Variants in CNTNAP2 observed in about 807,000 individuals in gnomAD.
The protein encoded by CNTNAP2 is contactin associated protein 2.
Under a neutral mutation model 155.2 loss-of-function variants are expected in CNTNAP2, and 98 were observed. The observed-to-expected ratio is 0.63, with a 90% confidence interval of 0.54 to 0.75. The LOEUF (loss-of-function observed/expected upper bound fraction) is 0.75, where lower values mean the gene tolerates loss of function less well. Ranked by LOEUF, CNTNAP2 falls within the 30% of genes least tolerant of loss-of-function variation. The pLI is 0.00. For synonymous variants in CNTNAP2, 651 were observed against 631.2 expected (o/e 1.03, Z -0.47); for missense variants, 1,727 against 1,688.1 (o/e 1.02, Z -0.40).
chr7:146,948,674 A>G (rs966661923), intron 3 of CNTNAP2, among the ~76,000 whole-genome samples: 2 of 152,212 alleles, frequency 1.3e-5, no homozygotes, highest in African/African-American at 4.8e-5. Flanking sequence ...TGTATGATAC[A>G]TTATGAAGTA....
intron 1 of CNTNAP2, among the ~76,000 whole-genome samples, chr7:146,456,324 C>T (rs1450664845): frequency 6.6e-6 from 1 of 152,056 alleles, no homozygotes; most frequent in African/African-American, 2.4e-5. Flanking sequence ...CAAATCACAA[C>T]AAGATTTCCG....
At chr7:146,384,330 C>A (rs1310405712) in intron 1 of CNTNAP2, among the ~76,000 whole-genome samples, 2 of 152,082 alleles carry the variant, frequency 1.3e-5, no homozygotes, top group African/African-American at 2.4e-5. Flanking sequence ...CAGTGGAGCA[C>A]AAGACTCCTA....
chr7:146,871,890 CTT>C (rs1795316192), intron 3 of CNTNAP2, among the ~76,000 whole-genome samples: 1 of 151,982 alleles, frequency 6.6e-6, no homozygotes, highest in African/African-American at 2.4e-5. Context: ...AACTATAACT[CTT>C]TTGTTTTACA....
intron 9 of CNTNAP2, among the ~76,000 whole-genome samples, chr7:147,318,104 T>C (rs1795269416): frequency 6.6e-6 from 1 of 152,268 alleles, no homozygotes; most frequent in East Asian, 1.9e-4. Context: ...TTTATAGTAC[T>C]AAAAAATAAT....
intron 1 of CNTNAP2, among the ~76,000 whole-genome samples, chr7:146,354,836 T>C (rs1794974960): frequency 6.6e-6 from 1 of 152,218 alleles, no homozygotes; most frequent in African/African-American, 2.4e-5. Context: ...GTTGTGTCTT[T>C]GGGTATATTC....
At chr7:148,319,494 G>A (rs1036246976) in intron 21 of CNTNAP2, among the ~76,000 whole-genome samples, 21 of 152,046 alleles carry the variant, frequency 1.4e-4, no homozygotes, top group African/African-American at 5.1e-4. Flanking sequence ...CCAACCTAGG[G>A]CCATGGACAC....
Position 148,197,202 on chromosome 7 carries a change from C to A in CNTNAP2, c.3011-20086C>A, listed in dbSNP as rs577598949. ...TAGCACTAGAAATGTGTGTCCCTGA[C>A]GAAAAATATGTTTTTACATAATTTA... On this transcript the variant is annotated intron_variant, in intron 18 of 23. Transcript: ENST00000361727. 4.6e-5 allele frequency among the ~76,000 whole-genome samples: 7 copies of A among 151,996 alleles called. No individual in the cohort carries two copies. In the East Asian group the frequency reaches 1.3e-3, roughly 29 times the overall value.
At chr7:146,568,951 A>T (rs1240487584) in intron 1 of CNTNAP2, among the ~76,000 whole-genome samples, 1 of 151,704 alleles carries the variant, frequency 6.6e-6, no homozygotes, top group Non-Finnish European at 1.5e-5. Context: ...CACGCAAATC[A>T]CAAGTTCCCA....
intron 4 of CNTNAP2, among the ~76,000 whole-genome samples, chr7:147,092,913 G>A (rs1800438201): frequency 6.6e-6 from 1 of 152,102 alleles, no homozygotes; most frequent in Non-Finnish European, 1.5e-5. Context: ...TAAATGGCAC[G>A]TCCATGCTGT....
intron 18 of CNTNAP2, among the ~76,000 whole-genome samples, chr7:148,209,643 A>G (rs1291002489): frequency 6.6e-6 from 1 of 152,198 alleles, no homozygotes; most frequent in Non-Finnish European, 1.5e-5. Context: ...GTCCCATTGC[A>G]TAGCCTATTC....
chr7:146,439,775 A>G (rs1198254958), intron 1 of CNTNAP2, among the ~76,000 whole-genome samples: 1 of 151,520 alleles, frequency 6.6e-6, no homozygotes, highest in African/African-American at 2.5e-5. Flanking sequence ...CTTTCCTTAC[A>G]TTGTATGCAA....
intron 16 of CNTNAP2, among the ~76,000 whole-genome samples, chr7:148,118,840 G>A (rs1298593183): frequency 2.0e-5 from 3 of 152,164 alleles, no homozygotes; most frequent in African/African-American, 7.2e-5. Context: ...CATGTACTTA[G>A]CCAAAGATAC....
chr7:148,322,797 G>GTTTTT (rs71899726), intron 21 of CNTNAP2, among the ~76,000 whole-genome samples: 10 of 135,508 alleles, frequency 7.4e-5, no homozygotes, highest in African/African-American at 1.9e-4. Flanking sequence ...GTTTTTTGGG[G>GTTTTT]TTTTTTTTTT....
rs369570016 is a variant in CNTNAP2 at position 147,634,711 on chromosome 7, C to A, written c.1898-4395C>A. On this transcript the variant is annotated intron_variant, in intron 12 of 23. Transcript: ENST00000361727. Reference sequence around the variant, plus strand: ...CGTGCATGTGTATTTCTTTTCAAATCTTTCCAAAATATAATTTTATTGAAG... The same window carrying A: ...CGTGCATGTGTATTTCTTTTCAAATATTTCCAAAATATAATTTTATTGAAG... Among the ~76,000 whole-genome samples, 47 of 152,152 alleles carry A rather than the reference C, an allele frequency of 3.1e-4. 1 individual carries two copies. In the East Asian group the frequency reaches 6.6e-3, roughly 21 times the overall value.
chr7:147,696,876 T>C (rs964987948), intron 13 of CNTNAP2, among the ~76,000 whole-genome samples: 3 of 152,174 alleles, frequency 2.0e-5, no homozygotes, highest in African/African-American at 7.2e-5. Flanking sequence ...TCAGACGTAA[T>C]TTTATAAGTG....
chr7:147,809,589 GT>G (rs1383540210), intron 13 of CNTNAP2, among the ~76,000 whole-genome samples: 1 of 152,160 alleles, frequency 6.6e-6, no homozygotes, highest in Non-Finnish European at 1.5e-5. Flanking sequence ...ACAATCTGCT[GT>G]TTGTCTTCCA....
intron 1 of CNTNAP2, among the ~76,000 whole-genome samples, chr7:146,356,052 TACAC>T (rs68125550): frequency 0.02 from 2,922 of 144,136 alleles, 42 homozygotes; most frequent in South Asian, 0.048. Flanking sequence ...TACATACGAA[TACAC>T]ACACACACAC....
In CNTNAP2 at chr7:146,721,264, CTATATATTCTATATATATTCTA is replaced by C. The variant is rs1275873213; in HGVS notation, c.98-52990_98-52969del. Among the ~76,000 whole-genome samples, 7 of 124,736 alleles carry C rather than the reference CTATATATTCTATATATATTCTA, an allele frequency of 5.6e-5. 1 individual carries two copies. In the South Asian group the frequency reaches 1.7e-3, roughly 31 times the overall value. 81.8% of individuals were successfully genotyped at this position (124,736 alleles called of 152,430 possible). On this transcript the variant is annotated intron_variant, in intron 1 of 23. Transcript: ENST00000361727. ...TCTCTCTATATTCTCTATATACTCT[CTATATATTCTATATATATTCTA>C]TATATATTCTATATATGTATTCTAT... is the stretch of plus-strand genomic sequence containing the variant.
rs568377383 is a variant in CNTNAP2 at position 146,962,048 on chromosome 7, G to A, written c.403-81859G>A. ...AGTGGTTACTTTTGTGACCTGTTTAGATAACTCTAAACACCATATTTCTCC... is the reference window on the plus strand; with the variant it reads ...AGTGGTTACTTTTGTGACCTGTTTAAATAACTCTAAACACCATATTTCTCC... On this transcript the variant is annotated intron_variant, in intron 3 of 23. Transcript: ENST00000361727. Among the ~76,000 whole-genome samples, 5 of 152,254 alleles carry A rather than the reference G, an allele frequency of 3.3e-5. No individual in the cohort carries two copies. The South Asian group carries it at 1.0e-3, about 32-fold the overall frequency.
Sources: gnomAD v4.1 joint callset for allele counts (sites outside exome capture counted in the v4.1 genomes callset) on GRCh38, gnomAD v4.1.1 for gene constraint, MANE v1.5 for transcripts, NCBI Gene and HGNC (gene_info 2026-07-23, HGNC 2026-07-21) for gene names.